ERICH3: variants seen among roughly 807,000 people sequenced by gnomAD.
ERICH3 encodes the protein glutamate-rich protein 3.
A neutral mutation model predicts 131.1 loss-of-function variants in ERICH3; 126 were observed. The ratio of observed to expected loss-of-function variants is 0.96; its 90% CI spans 0.83 to 1.11. The LOEUF is 1.11. Among genes scored for constraint, ERICH3 ranks in the 50% most tolerant of loss-of-function variants. The pLI is 0.00. For missense variants in ERICH3, 2,050 were observed against 1,810.7 expected, an observed-to-expected ratio of 1.13 and a Z score of -2.40; for synonymous variants, 695 against 644.6, an observed-to-expected ratio of 1.08 and a Z score of -1.18.
At chr1:74,632,447 A>G (rs964693001) in intron 6 of ERICH3, among the ~76,000 whole-genome samples, 1 of 152,078 alleles carries the variant, frequency 6.6e-6, no homozygotes, top group African/African-American at 2.4e-5. Flanking sequence ...AATATTTATC[A>G]AAATTTTAAG....
At chr1:74,655,165 G>C (rs993296402) in intron 1 of ERICH3, among the ~76,000 whole-genome samples, 3 of 152,080 alleles carry the variant, frequency 2.0e-5, no homozygotes, top group Non-Finnish European at 2.9e-5. Flanking sequence ...AAGCATACTT[G>C]TTTGAAGAGA....
At chr1:74,616,306 CACCACA>C (rs1338793190) in intron 8 of ERICH3, among the ~76,000 whole-genome samples, 1 of 152,120 alleles carries the variant, frequency 6.6e-6, no homozygotes. Flanking sequence ...AGGCATGAGC[CACCACA>C]ACCAGCCATG....
chr1:74,642,907 C>T lies in ERICH3; in HGVS notation c.315+120G>A, dbSNP rs1570901501. 6 of 701,792 alleles carry T rather than the reference C, an allele frequency of 8.5e-6. No homozygotes were observed. In the South Asian group the frequency reaches 1.1e-4, roughly 13 times the overall value. The allele number at this position is 701,792 out of a possible 1,614,324, so 43.5% of individuals were successfully genotyped here. Reference sequence around the variant, plus strand: ...TTTAGGCTTGGTGAACCATCATTGACTTCAACTATGTTTTAACCAAAAGTA... The same window carrying T: ...TTTAGGCTTGGTGAACCATCATTGATTTCAACTATGTTTTAACCAAAAGTA... On this transcript the variant is annotated intron_variant, in intron 4 of 14. Coordinates refer to ENST00000326665, the MANE Select transcript of ERICH3 (RefSeq NM_001002912.5).
At chr1:74,607,272 T>G (rs1400258805) in intron 9 of ERICH3, among the ~76,000 whole-genome samples, 1 of 152,008 alleles carries the variant, frequency 6.6e-6, no homozygotes, top group Non-Finnish European at 1.5e-5. Flanking sequence ...TATATAATTT[T>G]TCATACATAA....
intron 11 of ERICH3, among the ~76,000 whole-genome samples, chr1:74,590,964 A>G (rs1388914988): frequency 6.6e-6 from 1 of 152,210 alleles, no homozygotes; most frequent in Admixed American, 6.5e-5. Context: ...CTTCAACAAA[A>G]GCTTTTTTTA....
intron 9 of ERICH3, among the ~76,000 whole-genome samples, chr1:74,610,795 G>A (rs948788772): frequency 2.6e-5 from 4 of 151,620 alleles, no homozygotes; most frequent in South Asian, 2.1e-4. Flanking sequence ...ACTATAACTC[G>A]TGCCATGATC....
chr1:74,635,987 T>G (rs1370356675), intron 6 of ERICH3, among the ~76,000 whole-genome samples: 1 of 152,214 alleles, frequency 6.6e-6, no homozygotes, highest in Non-Finnish European at 1.5e-5. Flanking sequence ...AAGTTGTATC[T>G]GGTTCAGAAA....
At chr1:74,596,022 C>A (rs950550126) in intron 11 of ERICH3, among the ~76,000 whole-genome samples, 6 of 152,008 alleles carry the variant, frequency 3.9e-5, no homozygotes, top group Non-Finnish European at 8.8e-5. Context: ...AGCCTACACC[C>A]CTATACTTCT....
At chr1:74,612,207 T>A (rs1648729952) in intron 9 of ERICH3, among the ~76,000 whole-genome samples, 1 of 152,080 alleles carries the variant, frequency 6.6e-6, no homozygotes, top group African/African-American at 2.4e-5. Flanking sequence ...ACCGAAAATG[T>A]CCAGTCATGT....
chr1:74,647,283 A>T (rs1415167706), intron 2 of ERICH3, among the ~76,000 whole-genome samples: 1 of 152,126 alleles, frequency 6.6e-6, no homozygotes, highest in Non-Finnish European at 1.5e-5. Context: ...GACCAGGAGC[A>T]GTGATCACAG....
At chr1:74,665,133 C>G (rs1403154568) in intron 1 of ERICH3, among the ~76,000 whole-genome samples, 1 of 151,968 alleles carries the variant, frequency 6.6e-6, no homozygotes, top group Non-Finnish European at 1.5e-5. Flanking sequence ...TCAGAAAGCT[C>G]TCTCACCCCT....
chr1:74,632,064 T>C, intron 6 of ERICH3, 136 bp from the exon 7 acceptor site: 3 of 722,466 alleles, frequency 4.2e-6, no homozygotes, highest in Non-Finnish European at 6.7e-6. Context: ...CTCAAAACAC[T>C]CCAGTCTGCT....
At chr1:74,631,477 T>C (rs1646335882) in intron 7 of ERICH3, among the ~76,000 whole-genome samples, 1 of 152,134 alleles carries the variant, frequency 6.6e-6, no homozygotes, top group Admixed American at 6.6e-5. Context: ...CAAATTAAAT[T>C]TGACCACAAG....
chr1:74,600,121 C>T (rs1377495045), intron 10 of ERICH3, among the ~76,000 whole-genome samples, 190 bp from the exon 11 acceptor site: 52 of 151,792 alleles, frequency 3.4e-4, no homozygotes, highest in Admixed American at 2.6e-4. Flanking sequence ...CAGTTACATA[C>T]ACAAGAGCAC....
intron 14 of ERICH3, 146 bp downstream of exon 14, chr1:74,570,953 C>T: frequency 8.9e-7 from 1 of 1,122,896 alleles, no homozygotes; most frequent in Non-Finnish European, 1.2e-6. Context: ...CCTTTCCTGA[C>T]AGGCTTAGGG....
chr1:74,590,099 A>G lies in ERICH3; in HGVS notation c.1727-19T>C. 6.5e-7 allele frequency: 1 copy of G among 1,539,630 alleles called. No homozygotes were observed. The highest frequency in any genetic ancestry group is 8.8e-7 in the Non-Finnish European group (1 of 1,137,608). On this transcript the variant is annotated intron_variant, in intron 11 of 14. Transcript: ENST00000326665. ...TTCATATCTACAAAAAATAAAAGTG[A>G]TGACATTGTTGTTGTTCTGTAAAGC...
chr1:74,613,003 T>A (rs1040090259), intron 8 of ERICH3, among the ~76,000 whole-genome samples, 194 bp from the exon 9 acceptor site: 6 of 152,018 alleles, frequency 3.9e-5, no homozygotes, highest in African/African-American at 1.4e-4. Context: ...ACACAAACAA[T>A]AACTGATGAG....
Position 74,571,816 on chromosome 1 carries a change from C to T in ERICH3, c.3894G>A (p.Glu1298=), listed in dbSNP as rs1646953549. 6.2e-7 allele frequency: 1 copy of T among 1,613,328 alleles called. No homozygotes were observed. Among genetic ancestry groups the T allele is most frequent in the Non-Finnish European group, 8.5e-7 (1 of 1,180,020 alleles). The change falls in exon 14 of 15, where the codon GAG becomes GAA. Residue 1298 remains glutamate (E), a synonymous_variant. Coordinates refer to ENST00000326665, the MANE Select transcript of ERICH3 (RefSeq NM_001002912.5). The part of the protein sequence containing the change: ...EAVDEDPEEE[E]DKECTLETEA... ...CTGTCTCCAGAGTGCACTCTTTGTC[C>T]TCTTCCTCCTCTGGGTCCTCATCCA...
At chr1:74,669,724 C>A (rs890927412) in intron 1 of ERICH3, among the ~76,000 whole-genome samples, 1 of 152,196 alleles carries the variant, frequency 6.6e-6, no homozygotes, top group East Asian at 1.9e-4. Flanking sequence ...TTTATTTACT[C>A]CTAACTCTAT....
Sources: allele counts gnomAD v4.1 joint callset (sites outside exome capture counted in the v4.1 genomes callset), GRCh38; gene constraint gnomAD v4.1.1; transcripts MANE v1.5; gene names NCBI Gene and HGNC (gene_info 2026-07-23, HGNC 2026-07-21).